TEX29: variants seen among roughly 807,000 people sequenced by gnomAD.
TEX29 encodes the protein testis expressed 29.
In TEX29, 26 loss-of-function variants were observed where a neutral mutation model predicts 18.2. That is an observed-to-expected ratio of 1.43 (90% CI 1.04 to 1.98). TEX29 has a LOEUF of 1.98. Ranked by LOEUF, TEX29 falls within the 30% of genes most tolerant of loss-of-function variation. TEX29 has a pLI of 0.00. For synonymous variants in TEX29, 83 were observed against 78.5 expected (o/e 1.06, Z -0.31); for missense variants, 177 against 194.2 (o/e 0.91, Z 0.53).
At chr13:111,341,854 A>C (rs1309795550) in intron 4 of TEX29, among the ~76,000 whole-genome samples, 1 of 152,246 alleles carries the variant, frequency 6.6e-6, no homozygotes, top group Non-Finnish European at 1.5e-5. Flanking sequence ...GATGTAAGTG[A>C]ACTTACTGTC....
intron 2 of TEX29, 29 bp downstream of exon 2, chr13:111,320,977 G>A (rs2153641106): frequency 1.4e-6 from 2 of 1,411,540 alleles, no homozygotes; most frequent in South Asian, 1.3e-5. Context: ...AGGGGGGCGG[G>A]TGGGGTGGGG....
intron 2 of TEX29, 35 bp from the exon 3 acceptor site, chr13:111,328,148 G>A (rs760413849): frequency 2.5e-5 from 36 of 1,430,056 alleles, no homozygotes; most frequent in South Asian, 1.2e-4. Context: ...CTTTGTTTTC[G>A]GGGGTGACAC....
intron 4 of TEX29, among the ~76,000 whole-genome samples, chr13:111,340,186 A>C (rs2253701): frequency 1.3e-4 from 11 of 84,664 alleles, no homozygotes; most frequent in Non-Finnish European, 2.1e-4. Context: ...ATCATAACCC[A>C]TGTTTAGTGA....
intron 2 of TEX29, among the ~76,000 whole-genome samples, chr13:111,326,786 G>A (rs1272638289): frequency 6.6e-6 from 1 of 152,142 alleles, no homozygotes; most frequent in South Asian, 2.1e-4. Flanking sequence ...CATCACCTGC[G>A]TCAGAAAGTG....
intron 4 of TEX29, among the ~76,000 whole-genome samples, chr13:111,340,173 A>C (rs2093695732): frequency 6.7e-6 from 1 of 150,188 alleles, no homozygotes; most frequent in South Asian, 2.1e-4. Context: ...CTTGTTGATG[A>C]AAATCATAAC....
intron 3 of TEX29, 106 bp from the exon 4 acceptor site, chr13:111,339,757 G>A (rs370319106): frequency 6.8e-5 from 75 of 1,110,834 alleles, no homozygotes; most frequent in East Asian, 5.4e-4. Context: ...ATGGGCAGCC[G>A]CGCCGGGAGG....
intron 4 of TEX29, among the ~76,000 whole-genome samples, chr13:111,341,815 C>T (rs1257719767): frequency 6.6e-6 from 1 of 152,234 alleles, no homozygotes; most frequent in Non-Finnish European, 1.5e-5. Flanking sequence ...GAGCTCTGCT[C>T]AGCCTTTTCA....
At chr13:111,342,970 G>T in intron 5 of TEX29, 39 bp downstream of exon 5, 1 of 1,604,734 alleles carries the variant, frequency 6.2e-7, no homozygotes, top group South Asian at 1.1e-5. Flanking sequence ...CTAAGGTCAA[G>T]GGCGTGGCTC....
At chr13:111,317,883 C>A (rs2093657255), upstream of TEX29, among the ~76,000 whole-genome samples, 1 of 152,214 alleles carries the variant, frequency 6.6e-6, no homozygotes, top group Non-Finnish European at 1.5e-5. Flanking sequence ...GGCCTCTGCG[C>A]CTGCACTTGA....
chr13:111,339,945 G>C lies in TEX29; in HGVS notation c.239+13G>C. On this transcript the variant is annotated intron_variant, in intron 4 of 5. Transcript: ENST00000283547. ...CCATCATCTACAGGTCGGTCCCTTT[G>C]TTCTTTACTGGGAGGGTGGGGAGGA... The C allele has an allele frequency of 2.0e-6, 3 of 1,533,272 alleles. No homozygotes were observed. The African/African-American group carries it at 4.5e-5, about 23-fold the overall frequency. The allele number at this position is 1,533,272 out of a possible 1,614,324, so 95.0% of individuals were successfully genotyped here. A position where few individuals can be genotyped will look rare whatever the true frequency, so the allele number is the denominator to read the frequency against.
upstream of TEX29, among the ~76,000 whole-genome samples, chr13:111,319,824 A>T (rs916062465): frequency 2.6e-5 from 4 of 152,200 alleles, no homozygotes; most frequent in Admixed American, 2.6e-4. Context: ...GAAAAGTAGC[A>T]GCCCCCTCCG....
At chr13:111,323,300 T>G (rs1595684452) in intron 2 of TEX29, among the ~76,000 whole-genome samples, 2 of 151,746 alleles carry the variant, frequency 1.3e-5, no homozygotes, top group African/African-American at 4.8e-5. Context: ...GACCTGGGGG[T>G]GAAAGAGCGG....
At chr13:111,318,384 A>G (rs1021451957), upstream of TEX29, among the ~76,000 whole-genome samples, 2 of 152,158 alleles carry the variant, frequency 1.3e-5, no homozygotes, top group Non-Finnish European at 2.9e-5. Context: ...GTCACTGGTT[A>G]TCACGTGGGA....
intron 2 of TEX29, among the ~76,000 whole-genome samples, chr13:111,324,902 G>T (rs1484048277): frequency 6.6e-6 from 1 of 152,194 alleles, no homozygotes; most frequent in African/African-American, 2.4e-5. Flanking sequence ...CCGTGCTGGC[G>T]TGGGCGTGTT....
At chr13:111,337,684 C>T (rs2093691380) in intron 3 of TEX29, among the ~76,000 whole-genome samples, 1 of 152,016 alleles carries the variant, frequency 6.6e-6, no homozygotes, top group Non-Finnish European at 1.5e-5. Flanking sequence ...GAGTCTGCCC[C>T]ACTGTTTCCC....
rs547865272 is a variant in TEX29 at position 111,338,437 on chromosome 13, G to T, written c.170-1426G>T. ...AAGAACACGGCCCTGCTGACAGTTT[G>T]TTCTTGGACTTCTGGCCTCCAGAAC... On this transcript the variant is annotated intron_variant, in intron 3 of 5. Transcript: ENST00000283547. 9.9e-5 allele frequency among the ~76,000 whole-genome samples: 15 copies of T among 152,274 alleles called. 1 individual carries two copies. Among genetic ancestry groups the T allele is most frequent in the Middle Eastern group, 6.8e-3 (2 of 294 alleles).
rs756224419 is a variant in TEX29, at chr13:111,320,827, C to T, written c.-34-30C>T. The T allele has an allele frequency of 1.2e-5, 20 of 1,608,332 alleles. No homozygotes were observed. In the South Asian group the frequency reaches 1.8e-4, roughly 14 times the overall value. The stretch of plus-strand genomic sequence containing the variant: ...CTCCCCAAACGACGTCCCCAGGGCC[C>T]CGCCCGTGCTGACCTCTCCTGTTTT... On this transcript the variant is annotated intron_variant, in intron 1 of 5. Transcript: ENST00000283547.
At chr13:111,323,190 C>T (rs1247285993) in intron 2 of TEX29, among the ~76,000 whole-genome samples, 1 of 152,208 alleles carries the variant, frequency 6.6e-6, no homozygotes, top group Non-Finnish European at 1.5e-5. Context: ...CTCACTCATC[C>T]GGGACAGGAG....
In TEX29 at chr13:111,328,408, G is replaced by A; in HGVS notation, c.169+115G>A. Reference sequence around the variant, plus strand: ...GTCTCTGTTTGCTGGAAACACCTTTGTATTGTTCTCTGGCCAACTCTTCTG... The same window carrying A: ...GTCTCTGTTTGCTGGAAACACCTTTATATTGTTCTCTGGCCAACTCTTCTG... On this transcript the variant is annotated intron_variant, in intron 3 of 5. Coordinates refer to ENST00000283547, the MANE Select transcript of TEX29 (RefSeq NM_152324.3). 2 of 718,162 alleles carry A rather than the reference G, an allele frequency of 2.8e-6. 1 individual carries two copies. Among genetic ancestry groups the A allele is most frequent in the Admixed American group, 4.3e-5 (2 of 46,898 alleles). 44.5% of individuals were successfully genotyped at this position (718,162 alleles called of 1,614,324 possible). A position where few individuals can be genotyped will look rare whatever the true frequency, so the allele number is the denominator to read the frequency against.
Sources: allele counts gnomAD v4.1 joint callset (sites outside exome capture counted in the v4.1 genomes callset), GRCh38; gene constraint gnomAD v4.1.1; transcripts MANE v1.5; gene names NCBI Gene and HGNC (gene_info 2026-07-23, HGNC 2026-07-21).